The following RUNDC3A variants were observed in gnomAD, a reference collection of about 807,000 sequenced individuals.
RUNDC3A encodes the protein RUN domain-containing protein 3A.
In RUNDC3A, 28 loss-of-function variants were observed where a neutral mutation model predicts 53.9. The observed-to-expected ratio is 0.52, with a 90% CI of 0.38 to 0.71. RUNDC3A has a LOEUF of 0.71. Among genes scored for constraint, RUNDC3A ranks in the 30% least tolerant of loss-of-function variants. The probability of loss-of-function intolerance (pLI) is 0.00; values close to 1 mark genes in which losing one functional copy is unlikely to be tolerated. For synonymous variants in RUNDC3A, 232 were observed against 249.4 expected, an observed-to-expected ratio of 0.93 and a Z score of 0.66; for missense variants, 491 against 597.3, an observed-to-expected ratio of 0.82 and a Z score of 1.85.
At chr17:44,314,600 G>A in intron 4 of RUNDC3A, 135 bp from the exon 5 acceptor site, 2 of 1,465,588 alleles carry the variant, frequency 1.4e-6, no homozygotes, top group Non-Finnish European at 1.8e-6. Context: ...GAGGCTCCAG[G>A]CCTGCGTGCA....
chr17:44,309,004 A>T (rs567474163), intron 1 of RUNDC3A, 65 bp downstream of exon 1: 1 of 1,134,464 alleles, frequency 8.8e-7, no homozygotes, highest in Non-Finnish European at 1.3e-6. Flanking sequence ...GACTGCGGAA[A>T]CCCGGACTGA....
intron 1 of RUNDC3A, among the ~76,000 whole-genome samples, chr17:44,309,732 C>G (rs979560694): frequency 6.6e-6 from 1 of 152,152 alleles, no homozygotes; most frequent in African/African-American, 2.4e-5. Flanking sequence ...GATCCCCTGT[C>G]AGCTGCAACC....
chr17:44,317,360 A>G (rs1012247656), intron 10 of RUNDC3A: 4 of 731,036 alleles, frequency 5.5e-6, no homozygotes, highest in African/African-American at 1.7e-5. Context: ...GTGGTTTTTT[A>G]GTGTCATGAC....
rs2047918917 is a variant in RUNDC3A at position 44,318,419 on chromosome 17, C to T, written c.*181C>T. 11 of 714,246 alleles carry T rather than the reference C, an allele frequency of 1.5e-5. No individual in the cohort carries two copies. The highest frequency in any genetic ancestry group is 1.8e-5 in the Non-Finnish European group (8 of 447,124). The allele number at this position is 714,246 out of a possible 1,614,324, so 44.2% of individuals were successfully genotyped here. On this transcript the variant is annotated 3_prime_UTR_variant, in exon 11 of 11. Coordinates refer to ENST00000426726, the MANE Select transcript of RUNDC3A (RefSeq NM_001144825.2). ...CTTTCTGCCTTGGCAGCACGGGCTG[C>T]GGAAGAAAGCACGCTGGGCCAGGAG... is the stretch of plus-strand genomic sequence containing the variant.
At chr17:44,309,239 G>A (rs1053352322) in intron 1 of RUNDC3A, among the ~76,000 whole-genome samples, 5 of 152,210 alleles carry the variant, frequency 3.3e-5, no homozygotes, top group African/African-American at 1.2e-4. Context: ...GAAGGGGGTG[G>A]GGATGGCTGG....
In RUNDC3A at chr17:44,310,779, C is replaced by T. The variant is rs138622723; in HGVS notation, c.108-1801C>T. 755 of 985,494 alleles carry T rather than the reference C, an allele frequency of 7.7e-4. 1 individual carries two copies. Among genetic ancestry groups the T allele is most frequent in the Middle Eastern group, 1.0e-3 (2 of 1,916 alleles). The allele number at this position is 985,494 out of a possible 1,614,324, so 61.0% of individuals were successfully genotyped here. ...ACCCCTGAGGACAGATACCATATGGCTGCCATGCTGAACCCAGTCCAGGCC... is the reference window on the plus strand; with the variant it reads ...ACCCCTGAGGACAGATACCATATGGTTGCCATGCTGAACCCAGTCCAGGCC... On this transcript the variant is annotated intron_variant, in intron 1 of 10. Transcript: ENST00000426726.
At chr17:44,312,753 C>G (rs2047774784) in intron 2 of RUNDC3A, 58 bp downstream of exon 2, 1 of 477,526 alleles carries the variant, frequency 2.1e-6, no homozygotes, top group Non-Finnish European at 3.2e-6. Flanking sequence ...CCCCAGTGGT[C>G]CCTCCCCCAG....
At chr17:44,313,764 C>T in intron 4 of RUNDC3A, 1 of 1,083,098 alleles carries the variant, frequency 9.2e-7, no homozygotes, top group Non-Finnish European at 1.2e-6. Flanking sequence ...TCACTGCAAC[C>T]TCCGCCTCCT....
At chr17:44,313,989 C>A (rs908323151) in intron 4 of RUNDC3A, 1 of 991,912 alleles carries the variant, frequency 1.0e-6, no homozygotes, top group South Asian at 4.6e-5. Context: ...ACTTTTACCA[C>A]CACCACCACC....
At chr17:44,310,806 CAT>C (rs1352269880) in intron 1 of RUNDC3A, 2 of 985,440 alleles carry the variant, frequency 2.0e-6, no homozygotes, top group East Asian at 2.3e-4. Context: ...GTCCAGGCCC[CAT>C]CATGGTCTGA....
At chr17:44,313,074 T>C in intron 2 of RUNDC3A, 30 bp from the exon 3 acceptor site, 1 of 1,610,454 alleles carries the variant, frequency 6.2e-7, no homozygotes, top group Non-Finnish European at 8.5e-7. Flanking sequence ...CTCCCTGGTC[T>C]TGCTGAGCCC....
intron 1 of RUNDC3A, chr17:44,311,418 A>T (rs2047744945): frequency 1.1e-6 from 1 of 872,090 alleles, no homozygotes; most frequent in African/African-American, 1.8e-5. Flanking sequence ...GTGACTCCGA[A>T]CAGATCAGTC....
Position 44,313,830 on chromosome 17 carries a change from C to A in RUNDC3A, c.458+327C>A, listed in dbSNP as rs764132160. The stretch of plus-strand genomic sequence containing the variant: ...CTGAGTAGCTGGGATTACAGGCATA[C>A]GCCACCATGCCCAGCTAATTTTGTA... On this transcript the variant is annotated intron_variant, in intron 4 of 10. Coordinates refer to ENST00000426726, the MANE Select transcript of RUNDC3A (RefSeq NM_001144825.2). 5 of 732,376 alleles carry A rather than the reference C, an allele frequency of 6.8e-6. No homozygotes were observed. The East Asian group carries it at 4.3e-4, about 63-fold the overall frequency. The allele number at this position is 732,376 out of a possible 1,614,324, so 45.4% of individuals were successfully genotyped here. A position where few individuals can be genotyped will look rare whatever the true frequency, so the allele number is the denominator to read the frequency against.
chr17:44,312,721 G>C (rs753512812), intron 2 of RUNDC3A, 26 bp downstream of exon 2: 1 of 1,238,844 alleles, frequency 8.1e-7, no homozygotes, highest in Non-Finnish European at 1.1e-6. Context: ...CTCCCCCAGC[G>C]GTCCCTCCCC....
intron 4 of RUNDC3A, 64 bp downstream of exon 4, chr17:44,313,567 C>G: frequency 6.4e-7 from 1 of 1,554,208 alleles, no homozygotes; most frequent in Middle Eastern, 1.7e-4. Flanking sequence ...CCAAACACAG[C>G]TGATCCTTAA....
rs550791513 is a variant in RUNDC3A at position 44,315,543 on chromosome 17, C to T, written c.887C>T (p.Ala296Val). Residue 296 changes from alanine to valine, a missense_variant, in exon 8 of 11, where the codon GCG becomes GTG. Around this residue, in one of 2 missense-constraint regions of RUNDC3A, gnomAD observed 218 missense variants for 208.2 expected, o/e 1.05. Transcript: ENST00000426726. This position sits in a 1 kb window ranked among gnomAD's most constrained non-coding sequence, Gnocchi z 6.1. Reference protein sequence around the residue: ...NRRLQLQLEEAAAQNQREKRE... With the variant: ...NRRLQLQLEEVAAQNQREKRE... ...CGGCTTCAGCTGCAGCTGGAGGAGG[C>T]GGCGGCGCAGAACCAGCGCGAGAAA... The T allele has an allele frequency of 1.3e-6, 2 of 1,515,466 alleles. No individual in the cohort carries two copies. The highest frequency in any genetic ancestry group is 1.4e-5 in the African/African-American group (1 of 70,342). The allele number at this position is 1,515,466 out of a possible 1,614,324, so 93.9% of individuals were successfully genotyped here.
chr17:44,315,148 T>A lies in RUNDC3A; in HGVS notation c.630-7T>A. On this transcript the variant is annotated splice_polypyrimidine_tract_variant and splice_region_variant and intron_variant, in intron 6 of 10. Transcript: ENST00000426726. The surrounding 1 kb of genome is among the most constrained non-coding windows in gnomAD (Gnocchi z 6.1). The stretch of plus-strand genomic sequence containing the variant: ...GACCGGCCGTGCCCACTGCTCCCTC[T>A]CCCAAGCTACGACTACCTGACGGAC... 1 of 1,579,036 alleles carries A rather than the reference T, an allele frequency of 6.3e-7. No homozygotes were observed. The highest frequency in any genetic ancestry group is 8.6e-7 in the Non-Finnish European group (1 of 1,162,054).
chr17:44,312,966 G>A (rs2047779668), intron 2 of RUNDC3A, 138 bp from the exon 3 acceptor site: 1 of 906,528 alleles, frequency 1.1e-6, no homozygotes, highest in Non-Finnish European at 1.7e-6. Context: ...ATGCTGGGGT[G>A]CCCACTGCAC....
chr17:44,318,327 C>T lies in RUNDC3A; in HGVS notation c.*89C>T. The T allele has an allele frequency of 1.4e-6, 2 of 1,401,254 alleles. No homozygotes were observed. The highest frequency in any genetic ancestry group is 2.0e-6 in the Non-Finnish European group (2 of 1,025,188). 86.8% of individuals were successfully genotyped at this position (1,401,254 alleles called of 1,614,324 possible). On this transcript the variant is annotated 3_prime_UTR_variant, in exon 11 of 11. Transcript: ENST00000426726. ...AACAAGAGTCCCCCAATCCAGGCTA[C>T]CCTTCCAGAGAACGCTACCCACCCA...
Sources: allele counts gnomAD v4.1 joint callset (sites outside exome capture counted in the v4.1 genomes callset), GRCh38; gene constraint gnomAD v4.1.1; regional missense constraint gnomAD v4.1.1; non-coding constraint Gnocchi (gnomAD v3.1); transcripts MANE v1.5; gene names NCBI Gene and HGNC (gene_info 2026-07-23, HGNC 2026-07-21).